Variants in PATJ observed in about 807,000 individuals in gnomAD.
The protein encoded by PATJ is inaD-like protein.
A neutral mutation model predicts 224.9 loss-of-function variants in PATJ; 190 were observed. The observed-to-expected ratio is 0.84, with a 90% CI of 0.75 to 0.95. PATJ has a LOEUF of 0.95. PATJ is among the 40% of genes least tolerant of loss of function. The pLI, the probability that PATJ is intolerant of heterozygous loss-of-function variation, is 0.00. For synonymous variants in PATJ, 769 were observed against 820.3 expected (o/e 0.94, Z 1.07); for missense variants, 2,121 against 2,270.3 (o/e 0.93, Z 1.34).
intron 27 of PATJ, among the ~76,000 whole-genome samples, chr1:61,974,400 T>C (rs1188489926): frequency 7.4e-6 from 1 of 134,444 alleles, no homozygotes; most frequent in African/African-American, 3.0e-5. Flanking sequence ...TCTCTCTCTC[T>C]CTCTCTTTTT....
intron 31 of PATJ, among the ~76,000 whole-genome samples, chr1:62,065,847 C>T (rs530480358): frequency 2.9e-4 from 44 of 152,294 alleles, no homozygotes; most frequent in African/African-American, 1.0e-3. Context: ...TTTCTCACAC[C>T]GGTCACATCC....
At chr1:61,789,708 AG>A (rs1489882579) in intron 8 of PATJ, among the ~76,000 whole-genome samples, 9 of 152,124 alleles carry the variant, frequency 5.9e-5, no homozygotes, top group African/African-American at 2.2e-4. Context: ...GCTACTCAGG[AG>A]GCTGAGACAG....
At position 62,139,393 on chromosome 1, in the gene PATJ, C is replaced by A. The variant is rs566405478; in HGVS notation, c.5272-8891C>A. Among the ~76,000 whole-genome samples, 11 of 118,594 alleles carry A rather than the reference C, an allele frequency of 9.3e-5. No homozygotes were observed. In the South Asian group the frequency reaches 3.8e-3, roughly 41 times the overall value. The allele number at this position is 118,594 out of a possible 152,430, so 77.8% of individuals were successfully genotyped here. On this transcript the variant is annotated intron_variant, in intron 41 of 43. Coordinates refer to ENST00000642238, the MANE Select transcript of PATJ (RefSeq NM_001350145.3). The stretch of plus-strand genomic sequence containing the variant: ...CCAGCCTGGGCGACACAGCGAGACT[C>A]CATCTCAAAAAAAAAAAAAAAAAAA...
At chr1:62,092,249 A>T (rs1660836629) in intron 33 of PATJ, among the ~76,000 whole-genome samples, 1 of 151,826 alleles carries the variant, frequency 6.6e-6, no homozygotes, top group Admixed American at 6.6e-5. Context: ...GCATGGTGGC[A>T]TGTGCCTGTA....
chr1:61,901,548 T>C, intron 24 of PATJ, 89 bp downstream of exon 24: 1 of 914,160 alleles, frequency 1.1e-6, no homozygotes, highest in South Asian at 1.6e-5. Context: ...CTTTATGTGT[T>C]GGGGACCGTG....
chr1:61,972,102 G>T (rs980919774), intron 27 of PATJ, among the ~76,000 whole-genome samples: 1 of 151,810 alleles, frequency 6.6e-6, no homozygotes, highest in Non-Finnish European at 1.5e-5. Context: ...TTCAGATTTG[G>T]GAATGTTTAT....
intron 14 of PATJ, among the ~76,000 whole-genome samples, chr1:61,813,805 A>G (rs1360880254): frequency 6.6e-6 from 1 of 152,114 alleles, no homozygotes; most frequent in Non-Finnish European, 1.5e-5. Context: ...TTTCGGAGGT[A>G]ATAACTGGCC....
At chr1:62,056,453 AG>A (rs1282965501) in intron 31 of PATJ, among the ~76,000 whole-genome samples, 2 of 152,016 alleles carry the variant, frequency 1.3e-5, no homozygotes, top group African/African-American at 4.8e-5. Context: ...AATTGAGGCC[AG>A]GAGTTTGAGG....
chr1:61,873,805 G>T (rs189552167), intron 20 of PATJ, among the ~76,000 whole-genome samples: 39 of 152,318 alleles, frequency 2.6e-4, no homozygotes, highest in African/African-American at 8.4e-4. Flanking sequence ...CCCACAGCAG[G>T]CTGGAGACCC....
intron 15 of PATJ, among the ~76,000 whole-genome samples, chr1:61,823,469 C>T (rs1657657472): frequency 1.3e-5 from 2 of 152,236 alleles, no homozygotes; most frequent in African/African-American, 4.8e-5. Context: ...TTCACGTTTT[C>T]TCCTTGGGAC....
chr1:61,833,385 T>G (rs1476621220), intron 16 of PATJ: 1 of 259,920 alleles, frequency 3.8e-6, no homozygotes, highest in Non-Finnish European at 7.2e-6. Flanking sequence ...GAGGTCAGTG[T>G]TAATACTTTG....
intron 7 of PATJ, among the ~76,000 whole-genome samples, chr1:61,781,717 T>A (rs11207831): frequency 0.38 from 58,078 of 152,154 alleles, 12,849 homozygotes; most frequent in South Asian, 0.56. Context: ...TCTAAAATAG[T>A]CCCCAAGACC....
At chr1:62,003,971 G>A (rs74076886) in intron 28 of PATJ, among the ~76,000 whole-genome samples, 5,543 of 152,190 alleles carry the variant, frequency 0.036, 255 homozygotes, top group African/African-American at 0.1. Context: ...TCACACCTGC[G>A]TGCCTTTCAT....
At chr1:62,007,491 A>G (rs1328590752) in intron 28 of PATJ, among the ~76,000 whole-genome samples, 3 of 152,248 alleles carry the variant, frequency 2.0e-5, no homozygotes, top group Non-Finnish European at 4.4e-5. Context: ...AACATCTGAA[A>G]GAGCACAAGA....
intron 26 of PATJ, among the ~76,000 whole-genome samples, chr1:61,923,521 A>G (rs1674639995): frequency 6.6e-6 from 1 of 152,198 alleles, no homozygotes; most frequent in South Asian, 2.1e-4. Flanking sequence ...TCTCCTTAAT[A>G]TAAAAGCAAG....
chr1:61,751,371 C>T, intron 1 of PATJ, among the ~76,000 whole-genome samples: 1 of 152,022 alleles, frequency 6.6e-6, no homozygotes. Flanking sequence ...AATTGAATAG[C>T]ATTTTTGAGG....
At chr1:62,042,204 T>C (rs1651625963) in intron 30 of PATJ, among the ~76,000 whole-genome samples, 1 of 152,194 alleles carries the variant, frequency 6.6e-6, no homozygotes, top group East Asian at 1.9e-4. Context: ...AATCCCTTTC[T>C]CTAACAGCAT....
chr1:61,809,167 T>G (rs2148634477), intron 14 of PATJ, among the ~76,000 whole-genome samples: 1 of 152,280 alleles, frequency 6.6e-6, no homozygotes, highest in South Asian at 2.1e-4. Context: ...TCCAACATTT[T>G]TTAGCATCCT....
At chr1:61,983,164 A>T (rs773233873) in intron 27 of PATJ, among the ~76,000 whole-genome samples, 1 of 152,006 alleles carries the variant, frequency 6.6e-6, no homozygotes, top group Non-Finnish European at 1.5e-5. Context: ...CAATTAATGT[A>T]TCTGAAGGGC....
Sources: allele counts gnomAD v4.1 joint callset (sites outside exome capture counted in the v4.1 genomes callset), GRCh38; gene constraint gnomAD v4.1.1; transcripts MANE v1.5; gene names NCBI Gene and HGNC (gene_info 2026-07-23, HGNC 2026-07-21).